The following PKP4 variants were observed in gnomAD, a reference collection of about 807,000 sequenced individuals.
PKP4 encodes plakophilin-4.
A neutral mutation model predicts 145.1 loss-of-function variants in PKP4; 90 were observed. That is an observed-to-expected ratio of 0.62 (90% CI 0.52 to 0.74). PKP4 has a LOEUF of 0.74. PKP4 is among the 30% of genes least tolerant of loss of function. The probability of loss-of-function intolerance (pLI) is 0.00; values close to 1 mark genes in which losing one functional copy is unlikely to be tolerated. For missense variants in PKP4, 1,340 were observed against 1,482.7 expected, an observed-to-expected ratio of 0.90 and a Z score of 1.58; for synonymous variants, 563 against 577.2, an observed-to-expected ratio of 0.98 and a Z score of 0.35.
intron 2 of PKP4, among the ~76,000 whole-genome samples, chr2:158,543,184 T>G (rs1323486537): frequency 1.3e-5 from 2 of 152,208 alleles, no homozygotes; most frequent in Admixed American, 1.3e-4. Context: ...TTGGAATATT[T>G]GCAAAATATA....
At chr2:158,567,674 A>G (rs1156928341) in intron 2 of PKP4, among the ~76,000 whole-genome samples, 1 of 152,224 alleles carries the variant, frequency 6.6e-6, no homozygotes, top group African/African-American at 2.4e-5. Context: ...TTTGTAAAAC[A>G]TAGAGATTAT....
chr2:158,492,494 C>A (rs906871763), intron 1 of PKP4, among the ~76,000 whole-genome samples: 4 of 152,060 alleles, frequency 2.6e-5, no homozygotes, highest in African/African-American at 7.2e-5. Context: ...TACTGGCACC[C>A]CCTCTCCCCC....
rs540672695 is a variant in PKP4, at chr2:158,486,982, CTA to C, written c.-6+29766_-6+29767del. On this transcript the variant is annotated intron_variant, in intron 1 of 21. Coordinates refer to ENST00000389759, the MANE Select transcript of PKP4 (RefSeq NM_003628.6). ...AGTAACATTTTAAATACAAAGGAGA[CTA>C]TCTTCCATGTCAGCTTCATAGTTCT... is the stretch of plus-strand genomic sequence containing the variant. 8.3e-3 allele frequency among the ~76,000 whole-genome samples: 1,258 copies of C among 152,316 alleles called. 10 individuals carry two copies. The highest frequency in any genetic ancestry group is 0.051 in the Middle Eastern group (15 of 294).
intron 3 of PKP4, among the ~76,000 whole-genome samples, chr2:158,583,251 A>G (rs897155128): frequency 1.3e-5 from 2 of 152,200 alleles, no homozygotes; most frequent in African/African-American, 2.4e-5. Context: ...TTCACTGGAT[A>G]CAGTGAGAGT....
At chr2:158,533,353 C>G (rs762673606) in intron 2 of PKP4, 37 bp downstream of exon 2, 1 of 1,605,410 alleles carries the variant, frequency 6.2e-7, no homozygotes, top group Non-Finnish European at 8.5e-7. Flanking sequence ...TGAATTATTT[C>G]TTTAATGCCT....
intron 1 of PKP4, among the ~76,000 whole-genome samples, chr2:158,499,460 C>T (rs548013768): frequency 3.4e-4 from 52 of 152,280 alleles, no homozygotes; most frequent in Non-Finnish European, 7.1e-4. Context: ...GTGTTTCCAG[C>T]TATAGAGAAA....
chr2:158,480,293 A>G (rs1693150027), intron 1 of PKP4, among the ~76,000 whole-genome samples: 1 of 152,106 alleles, frequency 6.6e-6, no homozygotes, highest in Non-Finnish European at 1.5e-5. Flanking sequence ...CTGGAGTGCA[A>G]TAGTGCGATC....
chr2:158,663,309 C>G lies in PKP4; in HGVS notation c.2441C>G (p.Ser814Cys), dbSNP rs757124667. ...GGTCCTATCCCAGGACTGTCGAAGTCCCCCAAAGGGGTTGAGATGCTGTGG... is the reference window on the plus strand; with the variant it reads ...GGTCCTATCCCAGGACTGTCGAAGTGCCCCAAAGGGGTTGAGATGCTGTGG... Reference protein sequence around the residue: ...GVGPIPGLSKSPKGVEMLWHP... With the variant: ...GVGPIPGLSKCPKGVEMLWHP... Residue 814 changes from serine to cysteine, a missense_variant, in exon 15 of 22, where the codon TCC becomes TGC. By Grantham distance (112) the Ser-to-Cys change is moderately radical. Coordinates refer to ENST00000389759, the MANE Select transcript of PKP4 (RefSeq NM_003628.6). The G allele has an allele frequency of 1.2e-6, 2 of 1,613,986 alleles. No homozygotes were observed. Among genetic ancestry groups the G allele is most frequent in the East Asian group, 2.2e-5 (1 of 44,870 alleles).
chr2:158,502,599 A>G (rs1029269266), intron 1 of PKP4, among the ~76,000 whole-genome samples: 1 of 152,100 alleles, frequency 6.6e-6, no homozygotes, highest in Non-Finnish European at 1.5e-5. Flanking sequence ...AGTCACTTCT[A>G]GTTGAAATCT....
chr2:158,581,674 A>G (rs928815167), intron 3 of PKP4, among the ~76,000 whole-genome samples: 13 of 152,152 alleles, frequency 8.5e-5, no homozygotes, highest in African/African-American at 3.1e-4. Flanking sequence ...AGGATCAAAG[A>G]TTCATTTTTA....
At chr2:158,497,910 A>C (rs570030070) in intron 1 of PKP4, among the ~76,000 whole-genome samples, 115 of 152,332 alleles carry the variant, frequency 7.5e-4, no homozygotes, top group African/African-American at 2.7e-3. Context: ...AAATCTCCCA[A>C]AACAAATCCA....
intron 1 of PKP4, among the ~76,000 whole-genome samples, chr2:158,516,391 GGAACCTCATTTT>G (rs2041941410): frequency 1.3e-5 from 2 of 152,170 alleles, no homozygotes; most frequent in South Asian, 4.2e-4. Flanking sequence ...GCTAACCATA[GGAACCTCATTTT>G]GAGATGCTGG....
At chr2:158,605,741 C>T (rs189457317) in intron 4 of PKP4, among the ~76,000 whole-genome samples, 1 of 152,190 alleles carries the variant, frequency 6.6e-6, no homozygotes, top group East Asian at 1.9e-4. Flanking sequence ...AATTTTAGAA[C>T]ATTTTCATCA....
chr2:158,535,966 G>A (rs3771592), intron 2 of PKP4, among the ~76,000 whole-genome samples: 132,408 of 152,172 alleles, frequency 0.87, 57,983 homozygotes, highest in Middle Eastern at 0.93. Context: ...TAAGATGCAG[G>A]TAATAATAGT....
At chr2:158,550,559 C>G (rs979711655) in intron 2 of PKP4, among the ~76,000 whole-genome samples, 1 of 152,182 alleles carries the variant, frequency 6.6e-6, no homozygotes, top group Admixed American at 6.5e-5. Context: ...ATTTCTAGTC[C>G]TGCTGTTTGG....
intron 4 of PKP4, among the ~76,000 whole-genome samples, chr2:158,611,691 TAAAC>T (rs2051164162): frequency 6.6e-6 from 1 of 152,186 alleles, no homozygotes; most frequent in African/African-American, 2.4e-5. Context: ...TACATGTTCA[TAAAC>T]AAAATATTAG....
intron 3 of PKP4, among the ~76,000 whole-genome samples, chr2:158,598,239 G>A (rs894785548): frequency 1.3e-5 from 2 of 152,158 alleles, no homozygotes; most frequent in African/African-American, 4.8e-5. Context: ...AATTCAGTAT[G>A]TCTTGCTAAG....
chr2:158,506,826 G>A (rs2041023014), intron 1 of PKP4, among the ~76,000 whole-genome samples: 5 of 152,202 alleles, frequency 3.3e-5, no homozygotes, highest in Admixed American at 3.3e-4. Context: ...TCAGACTAGA[G>A]TGTTCATACG....
At position 158,661,324 on chromosome 2, in the gene PKP4, C is replaced by T; in HGVS notation, c.2094-9C>T. 6.2e-7 allele frequency: 1 copy of T among 1,604,212 alleles called. No individual in the cohort carries two copies. Among genetic ancestry groups the T allele is most frequent in the East Asian group, 2.2e-5 (1 of 44,784 alleles). On this transcript the variant is annotated splice_polypyrimidine_tract_variant and intron_variant, in intron 12 of 21. Transcript: ENST00000389759. ...ATCTCAGCAGCTCCTCCTGTCTCCA[C>T]CCCTTTAGGAACCTCAGCTCCGCGG...
Sources: gnomAD v4.1 joint callset for allele counts (sites outside exome capture counted in the v4.1 genomes callset) on GRCh38, gnomAD v4.1.1 for gene constraint, MANE v1.5 for transcripts, NCBI Gene and HGNC (gene_info 2026-07-23, HGNC 2026-07-21) for gene names.